HCN1: variants seen among roughly 807,000 people sequenced by gnomAD.
The protein encoded by HCN1 is hyperpolarization activated cyclic nucleotide gated potassium channel 1.
Under a neutral mutation model 78.9 loss-of-function variants are expected in HCN1, and 13 were observed. That is an observed-to-expected ratio of 0.16 (90% CI 0.11 to 0.26). The LOEUF is 0.26. Ranked by LOEUF, HCN1 falls within the 10% of genes least tolerant of loss-of-function variation. The pLI is 1.00. For synonymous variants in HCN1, 552 were observed against 455.5 expected, an observed-to-expected ratio of 1.21 and a Z score of -2.70; for missense variants, 810 against 1,154.3, an observed-to-expected ratio of 0.70 and a Z score of 4.32.
intron 4 of HCN1, among the ~76,000 whole-genome samples, chr5:45,366,163 T>TG (rs1747231202): frequency 7.3e-6 from 1 of 136,588 alleles, no homozygotes; most frequent in Non-Finnish European, 1.5e-5. Flanking sequence ...CATTATAGCA[T>TG]TTGTGTGTGT....
At chr5:45,627,225 T>C (rs1745182360) in intron 2 of HCN1, among the ~76,000 whole-genome samples, 1 of 152,132 alleles carries the variant, frequency 6.6e-6, no homozygotes, top group Non-Finnish European at 1.5e-5. Flanking sequence ...GACATTGAAA[T>C]ATAGAACCTG....
intron 3 of HCN1, among the ~76,000 whole-genome samples, chr5:45,432,181 T>C (rs183473304): frequency 3.2e-4 from 49 of 152,286 alleles, no homozygotes; most frequent in Non-Finnish European, 5.6e-4. Flanking sequence ...GGTATTTTAT[T>C]CTTTTTGTGA....
intron 5 of HCN1, among the ~76,000 whole-genome samples, chr5:45,326,290 G>A (rs570319639): frequency 6.6e-6 from 1 of 151,642 alleles, no homozygotes; most frequent in South Asian, 2.1e-4. Flanking sequence ...CTTCATGAAA[G>A]AAATTTATAT....
chr5:45,268,956 A>C (rs1284497102), intron 6 of HCN1, among the ~76,000 whole-genome samples: 3 of 152,256 alleles, frequency 2.0e-5, no homozygotes, highest in Non-Finnish European at 4.4e-5. Context: ...CTAATGCCAT[A>C]TAATTATAAT....
At chr5:45,599,771 A>C (rs923962528) in intron 2 of HCN1, among the ~76,000 whole-genome samples, 1 of 152,084 alleles carries the variant, frequency 6.6e-6, no homozygotes, top group African/African-American at 2.4e-5. Context: ...TGTGTTATCA[A>C]TTAAGTTGTC....
rs1263238912 is a variant in HCN1 at position 45,261,735 on chromosome 5, G to A, written c.*186C>T. On this transcript the variant is annotated 3_prime_UTR_variant, in exon 8 of 8. Transcript: ENST00000303230. Reference sequence around the variant, plus strand: ...AAACAGGTCTTTTGACCCTCTCTTGGGAATTTAGATATATATTTTATAGTA... The same window carrying A: ...AAACAGGTCTTTTGACCCTCTCTTGAGAATTTAGATATATATTTTATAGTA... 8 of 580,474 alleles carry A rather than the reference G, an allele frequency of 1.4e-5. No individual in the cohort carries two copies. The highest frequency in any genetic ancestry group is 5.8e-5 in the Admixed American group (2 of 34,328). The allele number at this position is 580,474 out of a possible 1,614,324, so 36.0% of individuals were successfully genotyped here.
intron 3 of HCN1, among the ~76,000 whole-genome samples, chr5:45,429,495 G>C (rs1343461460): frequency 6.6e-6 from 1 of 152,048 alleles, no homozygotes; most frequent in Non-Finnish European, 1.5e-5. Context: ...TTTTGAGAGG[G>C]GTGAATGTGA....
At position 45,324,197 on chromosome 5, in the gene HCN1, C is replaced by T. The variant is rs186889557; in HGVS notation, c.1378-20358G>A. 2.0e-3 allele frequency among the ~76,000 whole-genome samples: 304 copies of T among 151,954 alleles called. 1 individual carries two copies. Among genetic ancestry groups the T allele is most frequent in the African/African-American group, 6.9e-3 (287 of 41,484 alleles). The stretch of plus-strand genomic sequence containing the variant: ...AAGAGCTTCTGCACAGCAAAAGAAA[C>T]CACAATCTGAGTGAAGAGGCAACCT... On this transcript the variant is annotated intron_variant, in intron 5 of 7. Transcript: ENST00000303230.
intron 6 of HCN1, among the ~76,000 whole-genome samples, chr5:45,294,191 T>C (rs1454105300): frequency 6.6e-6 from 1 of 152,006 alleles, no homozygotes; most frequent in African/African-American, 2.4e-5. Context: ...TCAGTCCTCT[T>C]AGAGTTAACG....
intron 2 of HCN1, among the ~76,000 whole-genome samples, chr5:45,521,736 C>T (rs915732159): frequency 6.6e-6 from 1 of 151,790 alleles, no homozygotes; most frequent in Admixed American, 6.6e-5. Context: ...ATAAAATTAA[C>T]CCATAACAGC....
At chr5:45,641,650 C>T (rs557569088) in intron 2 of HCN1, 39 of 152,192 alleles carry the variant, frequency 2.6e-4, no homozygotes, top group African/African-American at 9.4e-4. Context: ...AGAATTTATG[C>T]TTTATCTATG....
At chr5:45,687,805 T>C (rs571402510) in intron 1 of HCN1, among the ~76,000 whole-genome samples, 4 of 152,302 alleles carry the variant, frequency 2.6e-5, no homozygotes, top group South Asian at 2.1e-4. Context: ...GCGGGAATTT[T>C]TGCAGAGTGA....
chr5:45,524,422 A>G (rs1447252982), intron 2 of HCN1, among the ~76,000 whole-genome samples: 1 of 152,034 alleles, frequency 6.6e-6, no homozygotes, highest in Non-Finnish European at 1.5e-5. Context: ...CTTGATGGGG[A>G]TGGCATTGAA....
chr5:45,372,380 T>C (rs1295229402), intron 4 of HCN1, among the ~76,000 whole-genome samples: 2 of 113,936 alleles, frequency 1.8e-5, no homozygotes, highest in East Asian at 4.8e-4. Context: ...ATATATATTA[T>C]ATAAATATGT....
intron 6 of HCN1, 140 bp from the exon 7 acceptor site, chr5:45,267,393 T>C (rs577774784): frequency 5.3e-5 from 35 of 663,034 alleles, no homozygotes; most frequent in East Asian, 5.2e-4. Context: ...ATCAGCAAAT[T>C]CCTTCTGACA....
intron 3 of HCN1, among the ~76,000 whole-genome samples, chr5:45,416,167 T>C (rs753309179): frequency 2.0e-4 from 30 of 151,970 alleles, no homozygotes; most frequent in Non-Finnish European, 3.8e-4. Context: ...ATAGAAAACT[T>C]GAAATAATGC....
intron 3 of HCN1, among the ~76,000 whole-genome samples, chr5:45,428,700 C>G (rs1740400890): frequency 6.6e-6 from 1 of 151,958 alleles, no homozygotes; most frequent in Admixed American, 6.6e-5. Context: ...TGTTATCACC[C>G]TGCAGCATTT....
At chr5:45,443,196 G>A (rs193039579) in intron 3 of HCN1, among the ~76,000 whole-genome samples, 10 of 151,980 alleles carry the variant, frequency 6.6e-5, no homozygotes, top group South Asian at 6.2e-4. Context: ...AGTATGCTAC[G>A]AAGAGGCATA....
At chr5:45,442,501 T>C (rs1740696914) in intron 3 of HCN1, among the ~76,000 whole-genome samples, 1 of 151,254 alleles carries the variant, frequency 6.6e-6, no homozygotes, top group South Asian at 2.1e-4. Context: ...TAAAATGATA[T>C]ATAAGTATAT....
Sources: allele counts gnomAD v4.1 joint callset (sites outside exome capture counted in the v4.1 genomes callset), GRCh38; gene constraint gnomAD v4.1.1; transcripts MANE v1.5; gene names NCBI Gene and HGNC (gene_info 2026-07-23, HGNC 2026-07-21).